PPARGC1A: variants seen among roughly 807,000 people sequenced by gnomAD.
PPARGC1A encodes PPARG coactivator 1 alpha, also known as peroxisome proliferator-activated receptor gamma coactivator 1-alpha.
Under a neutral mutation model 88.7 loss-of-function variants are expected in PPARGC1A, and 25 were observed. The ratio of observed to expected loss-of-function variants is 0.28; its 90% CI spans 0.21 to 0.39. The LOEUF (loss-of-function observed/expected upper bound fraction) is 0.39. Ranked by LOEUF, PPARGC1A falls within the 10% of genes least tolerant of loss-of-function variation. PPARGC1A has a pLI of 1.00. For synonymous variants in PPARGC1A, 363 were observed against 355.6 expected (o/e 1.02, Z -0.24); for missense variants, 880 against 968.7 (o/e 0.91, Z 1.22).
chr4:24,171,012 G>T, the PPARGC1A span, among the ~76,000 whole-genome samples: 1 of 151,940 alleles, frequency 6.6e-6, no homozygotes, highest in Non-Finnish European at 1.5e-5. Context: ...TTTTTCTTCT[G>T]CCTGGAATGC....
chr4:24,107,351 G>A, the PPARGC1A span, among the ~76,000 whole-genome samples: 1 of 152,190 alleles, frequency 6.6e-6, no homozygotes, highest in African/African-American at 2.4e-5. Context: ...TAGCTCTGAA[G>A]ATGAATAACA....
intron 10 of PPARGC1A, among the ~76,000 whole-genome samples, chr4:23,811,254 T>C (rs750286918): frequency 2.0e-5 from 3 of 152,200 alleles, no homozygotes; most frequent in Non-Finnish European, 4.4e-5. Context: ...TCAGCTCTTT[T>C]ATATAGCTTT....
the PPARGC1A span, among the ~76,000 whole-genome samples, chr4:24,102,768 C>T: frequency 1.1e-4 from 16 of 152,044 alleles, no homozygotes; most frequent in South Asian, 1.5e-3. Flanking sequence ...TATAGAGGAA[C>T]GGCAGGGAGG....
the PPARGC1A span, among the ~76,000 whole-genome samples, chr4:24,108,768 T>C: frequency 2.7e-3 from 418 of 152,098 alleles, 5 homozygotes; most frequent in East Asian, 0.052. Flanking sequence ...CTGGGGTTCA[T>C]CCATGAGTTC....
the PPARGC1A span, among the ~76,000 whole-genome samples, chr4:24,015,089 T>C: frequency 5.3e-5 from 8 of 152,102 alleles, no homozygotes; most frequent in Admixed American, 2.0e-4. Context: ...ATCCATTCTG[T>C]GGATAGAGTT....
chr4:24,291,285 T>A, the PPARGC1A span, among the ~76,000 whole-genome samples: 3 of 152,212 alleles, frequency 2.0e-5, no homozygotes, highest in East Asian at 5.8e-4. Flanking sequence ...TATCTCTTAA[T>A]GATATAATAA....
At chr4:24,073,264 C>G in the PPARGC1A span, among the ~76,000 whole-genome samples, 3 of 151,988 alleles carry the variant, frequency 2.0e-5, no homozygotes, top group Admixed American at 6.6e-5. Context: ...GGATGGTCTC[C>G]ATCTCCTAAC....
chr4:24,167,991 G>T, the PPARGC1A span, among the ~76,000 whole-genome samples: 2 of 152,110 alleles, frequency 1.3e-5, no homozygotes, highest in Non-Finnish European at 2.9e-5. Flanking sequence ...TCCTGCTCAA[G>T]CAGTCTGCCT....
chr4:24,279,222 C>T, the PPARGC1A span, among the ~76,000 whole-genome samples: 2 of 152,326 alleles, frequency 1.3e-5, no homozygotes, highest in African/African-American at 2.4e-5. Flanking sequence ...GAATTCAATG[C>T]CTCTCCGTTT....
the PPARGC1A span, among the ~76,000 whole-genome samples, chr4:24,131,994 G>A: frequency 8.5e-5 from 13 of 152,286 alleles, no homozygotes; most frequent in South Asian, 1.9e-3. Context: ...GTTAAAACAT[G>A]GCCTAGTGCA....
chr4:24,262,467 A>C, the PPARGC1A span, among the ~76,000 whole-genome samples: 1 of 152,196 alleles, frequency 6.6e-6, no homozygotes, highest in South Asian at 2.1e-4. Context: ...GGCAAAGGAA[A>C]ACATGAAACG....
intron 2 of PPARGC1A, among the ~76,000 whole-genome samples, chr4:23,861,940 A>G (rs551277632): frequency 1.3e-5 from 2 of 152,364 alleles, no homozygotes; most frequent in Admixed American, 1.3e-4. Context: ...CTTTAAAGCT[A>G]GGTTTAAGAT....
chr4:23,864,711 G>A (rs1711526982), intron 2 of PPARGC1A, among the ~76,000 whole-genome samples: 1 of 152,232 alleles, frequency 6.6e-6, no homozygotes, highest in South Asian at 2.1e-4. Flanking sequence ...ATCCCTGGGA[G>A]CACATAAACA....
chr4:24,383,553 A>C, the PPARGC1A span, among the ~76,000 whole-genome samples: 1 of 152,194 alleles, frequency 6.6e-6, no homozygotes, highest in Non-Finnish European at 1.5e-5. Context: ...GAGCTGAAAA[A>C]CACATCACGA....
At chr4:24,440,254 T>C in the PPARGC1A span, among the ~76,000 whole-genome samples, 379 of 152,342 alleles carry the variant, frequency 2.5e-3, 1 homozygote, top group African/African-American at 8.6e-3. Flanking sequence ...CTCTTCTACA[T>C]CTTCCTACAG....
chr4:24,066,896 A>G, the PPARGC1A span, among the ~76,000 whole-genome samples: 6 of 144,266 alleles, frequency 4.2e-5, no homozygotes, highest in East Asian at 4.0e-4. Flanking sequence ...TGCCACTGAA[A>G]CCTAGTTTAA....
At chr4:24,322,856 C>T in the PPARGC1A span, among the ~76,000 whole-genome samples, 564 of 152,352 alleles carry the variant, frequency 3.7e-3, 2 homozygotes, top group African/African-American at 7.7e-3. Flanking sequence ...GCTGCACTCT[C>T]CACTTTGGTC....
chr4:23,805,932 C>T (rs1719725541), intron 10 of PPARGC1A, among the ~76,000 whole-genome samples: 1 of 152,124 alleles, frequency 6.6e-6, no homozygotes, highest in Non-Finnish European at 1.5e-5. Flanking sequence ...TGCAGACATA[C>T]TGGGACAGTC....
At chr4:23,904,899 A>G (rs919827450), upstream of PPARGC1A, among the ~76,000 whole-genome samples, 1 of 152,220 alleles carries the variant, frequency 6.6e-6, no homozygotes, top group Non-Finnish European at 1.5e-5. Context: ...ACACTCTGAC[A>G]GCCGCTGGCT....
Sources: allele counts gnomAD v4.1 joint callset (sites outside exome capture counted in the v4.1 genomes callset), GRCh38; gene constraint gnomAD v4.1.1; transcripts MANE v1.5; gene names NCBI Gene and HGNC (gene_info 2026-07-23, HGNC 2026-07-21).